Variants in TASP1 observed in about 807,000 individuals in gnomAD.
TASP1 encodes the protein threonine aspartase 1.
Under a neutral mutation model 56.6 loss-of-function variants are expected in TASP1, and 16 were observed. That is an observed-to-expected ratio of 0.28 (90% CI 0.19 to 0.43). TASP1 has a LOEUF of 0.43. Among genes scored for constraint, TASP1 ranks in the 20% least tolerant of loss-of-function variants. The pLI is 1.00. For missense variants in TASP1, 393 were observed against 511.6 expected (o/e 0.77, Z 2.24); for synonymous variants, 179 against 184.2 (o/e 0.97, Z 0.23).
the TASP1 span, among the ~76,000 whole-genome samples, chr20:13,290,418 G>T: frequency 6.6e-6 from 1 of 152,234 alleles, no homozygotes; most frequent in Admixed American, 6.5e-5. Context: ...GGGAGGCCGA[G>T]GCGGGCAGAT....
At chr20:13,607,392 T>A (rs2048195913) in intron 4 of TASP1, among the ~76,000 whole-genome samples, 1 of 152,228 alleles carries the variant, frequency 6.6e-6, no homozygotes, top group African/African-American at 2.4e-5. Flanking sequence ...TTAATGTCCT[T>A]TGCTGAAGGC....
chr20:13,117,544 C>G, the TASP1 span: 2 of 1,609,942 alleles, frequency 1.2e-6, no homozygotes, highest in African/African-American at 1.3e-5. Context: ...CAGATCATAG[C>G]TCTAAAGAAG....
the TASP1 span, among the ~76,000 whole-genome samples, chr20:13,211,955 T>C: frequency 5.6e-4 from 86 of 152,274 alleles, no homozygotes; most frequent in Non-Finnish European, 2.4e-4. Context: ...CAGTGCTTAA[T>C]AGGAAAGAAA....
the TASP1 span, among the ~76,000 whole-genome samples, chr20:13,359,646 A>G: frequency 6.6e-6 from 1 of 150,844 alleles, no homozygotes; most frequent in Non-Finnish European, 1.5e-5. Flanking sequence ...AAAACTCCCC[A>G]ACTCTGGTGC....
chr20:13,369,192 T>A, the TASP1 span, among the ~76,000 whole-genome samples: 1 of 152,218 alleles, frequency 6.6e-6, no homozygotes, highest in Non-Finnish European at 1.5e-5. Context: ...AAGCCTGTAA[T>A]CCCAGCACTT....
intron 13 of TASP1, among the ~76,000 whole-genome samples, chr20:13,408,344 C>G (rs190477443): frequency 8.1e-4 from 123 of 152,216 alleles, no homozygotes; most frequent in Non-Finnish European, 1.5e-3. Flanking sequence ...ACTGTGCATT[C>G]CTTGGAAAAA....
At chr20:13,395,991 G>A (rs747272082) in intron 13 of TASP1, among the ~76,000 whole-genome samples, 4 of 151,846 alleles carry the variant, frequency 2.6e-5, no homozygotes, top group Non-Finnish European at 4.4e-5. Flanking sequence ...GAGCCACTGC[G>A]CCCGGCCACC....
the TASP1 span, among the ~76,000 whole-genome samples, chr20:13,155,507 A>G: frequency 6.6e-6 from 1 of 152,142 alleles, no homozygotes; most frequent in Non-Finnish European, 1.5e-5. Flanking sequence ...GGGTCATTTT[A>G]CCACAGCAAA....
the TASP1 span, among the ~76,000 whole-genome samples, chr20:13,188,864 C>T: frequency 2.0e-5 from 3 of 152,250 alleles, no homozygotes; most frequent in African/African-American, 7.2e-5. Context: ...AAATTGAAAA[C>T]CTAACTTAAT....
At chr20:13,387,141 T>C (rs1386317333), downstream of TASP1, among the ~76,000 whole-genome samples, 1 of 151,356 alleles carries the variant, frequency 6.6e-6, no homozygotes, top group East Asian at 1.9e-4. Context: ...CTTAGGATAA[T>C]GGCCTCCAGT....
the TASP1 span, among the ~76,000 whole-genome samples, chr20:13,364,695 C>A: frequency 2.6e-4 from 40 of 151,864 alleles, no homozygotes; most frequent in African/African-American, 8.7e-4. Context: ...GGTCAATAGA[C>A]ACCTGTGTCC....
chr20:13,127,242 C>T, the TASP1 span, among the ~76,000 whole-genome samples: 1 of 152,216 alleles, frequency 6.6e-6, no homozygotes, highest in Admixed American at 6.5e-5. Flanking sequence ...CTTTGCTCAA[C>T]CCAAATTAAT....
At chr20:13,193,573 T>C in the TASP1 span, among the ~76,000 whole-genome samples, 3 of 152,178 alleles carry the variant, frequency 2.0e-5, no homozygotes, top group Non-Finnish European at 2.9e-5. Flanking sequence ...ATGCATTCGG[T>C]TGCAAGTAAG....
Position 13,493,992 on chromosome 20 carries a change from A to C in TASP1, c.875-10655T>G, listed in dbSNP as rs1450359908. On this transcript the variant is annotated intron_variant, in intron 10 of 13. Coordinates refer to ENST00000337743, the MANE Select transcript of TASP1 (RefSeq NM_017714.3). ...ACCAGTAAAAGTGGTATTCTTATCT[A>C]TGGTGGTGCTGCTAAGATTGTATCA... Among the ~76,000 whole-genome samples, 4 of 152,190 alleles carry C rather than the reference A, an allele frequency of 2.6e-5. No individual in the cohort carries two copies. In the East Asian group the frequency reaches 7.7e-4, roughly 29 times the overall value.
At chr20:13,613,346 G>T (rs923995631) in intron 4 of TASP1, among the ~76,000 whole-genome samples, 1 of 152,150 alleles carries the variant, frequency 6.6e-6, no homozygotes, top group Non-Finnish European at 1.5e-5. Context: ...GCTAACTACA[G>T]CTTAAAATAT....
chr20:13,287,105 T>C, the TASP1 span, among the ~76,000 whole-genome samples: 130 of 152,278 alleles, frequency 8.5e-4, no homozygotes, highest in African/African-American at 3.0e-3. Flanking sequence ...TAAGAGGAAC[T>C]CAGTTTGATA....
At chr20:13,396,686 C>T (rs778754081) in intron 13 of TASP1, among the ~76,000 whole-genome samples, 10 of 152,056 alleles carry the variant, frequency 6.6e-5, no homozygotes, top group East Asian at 3.9e-4. Context: ...ATACAATTCC[C>T]GAGTTCAGCC....
At chr20:13,379,020 C>G in the TASP1 span, among the ~76,000 whole-genome samples, 2 of 152,148 alleles carry the variant, frequency 1.3e-5, no homozygotes, top group Non-Finnish European at 2.9e-5. Flanking sequence ...GGTCTTGACT[C>G]TTTATCCAAT....
At chr20:13,127,803 C>T in the TASP1 span, among the ~76,000 whole-genome samples, 3 of 152,136 alleles carry the variant, frequency 2.0e-5, no homozygotes, top group African/African-American at 4.8e-5. Context: ...ATATGAAATG[C>T]GGTGATTGGC....
Sources: allele counts gnomAD v4.1 joint callset (sites outside exome capture counted in the v4.1 genomes callset), GRCh38; gene constraint gnomAD v4.1.1; transcripts MANE v1.5; gene names NCBI Gene and HGNC (gene_info 2026-07-23, HGNC 2026-07-21).